Variants in SMIM10L3 observed in about 807,000 individuals in gnomAD.
SMIM10L3 encodes the protein salivary gland specific protein SAGSIN1.
the SMIM10L3 span, among the ~76,000 whole-genome samples, chr7:6,339,635 C>T: frequency 1.3e-5 from 2 of 151,938 alleles, no homozygotes; most frequent in African/African-American, 2.4e-5. Context: ...AGGCGCCCGC[C>T]ACCACGCCTG....
At chr7:6,338,425 G>C in the SMIM10L3 span, among the ~76,000 whole-genome samples, 2 of 152,212 alleles carry the variant, frequency 1.3e-5, no homozygotes, top group South Asian at 4.1e-4. Flanking sequence ...TACCAAAGCT[G>C]AGACCACCAG....
the SMIM10L3 span, among the ~76,000 whole-genome samples, chr7:6,347,988 G>A: frequency 2.7e-5 from 4 of 150,878 alleles, no homozygotes; most frequent in Middle Eastern, 6.9e-3. Context: ...TCGGCTCACC[G>A]CAACCTGCGC....
chr7:6,338,899 T>C, the SMIM10L3 span, among the ~76,000 whole-genome samples: 2 of 152,100 alleles, frequency 1.3e-5, no homozygotes, highest in Non-Finnish European at 2.9e-5. Flanking sequence ...GCGGTGGGCC[T>C]TGAGGGACTG....
chr7:6,333,301 T>A, the SMIM10L3 span, among the ~76,000 whole-genome samples: 1 of 152,032 alleles, frequency 6.6e-6, no homozygotes, highest in Non-Finnish European at 1.5e-5. Flanking sequence ...GAGCCGGTGA[T>A]TGGAGCCAGC....
the SMIM10L3 span, among the ~76,000 whole-genome samples, chr7:6,347,043 G>A: frequency 6.6e-6 from 1 of 152,172 alleles, no homozygotes; most frequent in African/African-American, 2.4e-5. Context: ...AAAGTCATCT[G>A]AGGCTGGGCT....
At chr7:6,345,048 C>T in the SMIM10L3 span, among the ~76,000 whole-genome samples, 2 of 151,974 alleles carry the variant, frequency 1.3e-5, no homozygotes, top group East Asian at 3.9e-4. Flanking sequence ...CCGGCCACTG[C>T]GCCCGGCCAG....
the SMIM10L3 span, chr7:6,330,764 G>C: frequency 6.2e-7 from 1 of 1,614,110 alleles, no homozygotes; most frequent in South Asian, 1.1e-5. Flanking sequence ...CCTCCTCCCA[G>C]CCAGTCTCGC....
the SMIM10L3 span, chr7:6,330,498 C>A: frequency 6.2e-7 from 1 of 1,614,048 alleles, no homozygotes; most frequent in Non-Finnish European, 8.5e-7. Context: ...GCTTTGAAAA[C>A]ATGGGCTTTA....
chr7:6,332,735 T>C, the SMIM10L3 span, among the ~76,000 whole-genome samples: 27 of 152,120 alleles, frequency 1.8e-4, no homozygotes, highest in South Asian at 2.1e-3. Context: ...GCAGCAACAC[T>C]GAAAGGATCA....
At chr7:6,336,809 C>G in the SMIM10L3 span, among the ~76,000 whole-genome samples, 1 of 151,864 alleles carries the variant, frequency 6.6e-6, no homozygotes, top group Non-Finnish European at 1.5e-5. Context: ...TGTGTGCCAC[C>G]ACATCCAGCT....
chr7:6,331,318 C>T, the SMIM10L3 span: 1 of 680,334 alleles, frequency 1.5e-6, no homozygotes, highest in Admixed American at 2.9e-5. Context: ...TATTTCCTAA[C>T]AAACACTGAG....
At chr7:6,346,028 C>T in the SMIM10L3 span, among the ~76,000 whole-genome samples, 180 of 152,222 alleles carry the variant, frequency 1.2e-3, no homozygotes, top group African/African-American at 4.3e-3. Flanking sequence ...TTCAGCCTCC[C>T]AATATACTGG....
At chr7:6,335,127 A>G in the SMIM10L3 span, among the ~76,000 whole-genome samples, 1 of 151,774 alleles carries the variant, frequency 6.6e-6, no homozygotes, top group Non-Finnish European at 1.5e-5. Flanking sequence ...TAGTGGTGCA[A>G]TCTTAGCTCA....
chr7:6,333,907 C>T, the SMIM10L3 span, among the ~76,000 whole-genome samples: 7 of 138,342 alleles, frequency 5.1e-5, no homozygotes, highest in East Asian at 2.2e-4. Context: ...AGTGCAGTGG[C>T]GCCATCTCAG....
chr7:6,342,315 C>G, the SMIM10L3 span, among the ~76,000 whole-genome samples: 3 of 151,960 alleles, frequency 2.0e-5, no homozygotes, highest in Admixed American at 6.6e-5. Flanking sequence ...GAGGCCGAGG[C>G]AGGTGGATCT....
the SMIM10L3 span, chr7:6,331,369 G>C: frequency 3.3e-6 from 2 of 607,734 alleles, no homozygotes; most frequent in Non-Finnish European, 2.9e-6. Context: ...CACCATATTG[G>C]TAAGGCTGGT....
chr7:6,338,122 G>A, the SMIM10L3 span, among the ~76,000 whole-genome samples: 1 of 152,000 alleles, frequency 6.6e-6, no homozygotes, highest in Non-Finnish European at 1.5e-5. Context: ...ACTTCAACAG[G>A]TTATCAAAAA....
chr7:6,348,891 T>TGGAGCGGAGTCCGCACGTCACGCTC, the SMIM10L3 span: 10 of 387,590 alleles, frequency 2.6e-5, no homozygotes, highest in African/African-American at 1.9e-4. Flanking sequence ...CGGGCCGCAG[T>TGGAGCGGAGTCCGCACGTCACGCTC]GGAGCGGAGT....
chr7:6,333,548 G>C, the SMIM10L3 span, among the ~76,000 whole-genome samples: 11 of 152,224 alleles, frequency 7.2e-5, no homozygotes, highest in East Asian at 1.5e-3. Context: ...TCCCAGGCTG[G>C]AGGACAATGG....
Sources: gnomAD v4.1 joint callset for allele counts (sites outside exome capture counted in the v4.1 genomes callset) on GRCh38, gnomAD v4.1.1 for gene constraint, MANE v1.5 for transcripts, NCBI Gene and HGNC (gene_info 2026-07-23, HGNC 2026-07-21) for gene names.